The following ELAPOR2 variants were observed in gnomAD, a reference collection of about 807,000 sequenced individuals.
The protein encoded by ELAPOR2 is endosome/lysosome-associated apoptosis and autophagy regulator family member 2.
Under a neutral mutation model 120.7 loss-of-function variants are expected in ELAPOR2, and 89 were observed. The ratio of observed to expected loss-of-function variants is 0.74; its 90% CI spans 0.62 to 0.88. The LOEUF (loss-of-function observed/expected upper bound fraction) is 0.88, where lower values mean the gene tolerates loss of function less well. ELAPOR2 is among the 40% of genes least tolerant of loss of function. ELAPOR2 has a pLI of 0.00. For synonymous variants in ELAPOR2, 444 were observed against 444.9 expected, an observed-to-expected ratio of 1.00 and a Z score of 0.03; for missense variants, 1,134 against 1,251.6, an observed-to-expected ratio of 0.91 and a Z score of 1.42.
intron 1 of ELAPOR2, among the ~76,000 whole-genome samples, chr7:87,019,992 T>C (rs1290320436): frequency 6.6e-6 from 1 of 152,204 alleles, no homozygotes; most frequent in Non-Finnish European, 1.5e-5. Flanking sequence ...TACAATATTT[T>C]TAGTTTTTCA....
chr7:87,050,603 C>CT (rs1426341215), intron 1 of ELAPOR2, among the ~76,000 whole-genome samples: 1 of 152,154 alleles, frequency 6.6e-6, no homozygotes, highest in Non-Finnish European at 1.5e-5. Context: ...ATCTCAGGTA[C>CT]TTTTTTTACA....
chr7:87,050,821 G>A (rs1179029877), intron 1 of ELAPOR2, among the ~76,000 whole-genome samples: 1 of 152,204 alleles, frequency 6.6e-6, no homozygotes. Context: ...TTCTGATTCA[G>A]CTATTGGGAA....
At chr7:86,949,766 C>G (rs1791164046) in intron 2 of ELAPOR2, among the ~76,000 whole-genome samples, 1 of 152,244 alleles carries the variant, frequency 6.6e-6, no homozygotes, top group African/African-American at 2.4e-5. Context: ...CTCCTCCAGA[C>G]TTTGGCCACC....
chr7:86,938,158 G>C lies in ELAPOR2; in HGVS notation c.1057C>G (p.Gln353Glu). The change falls in exon 8 of 22, where the codon CAG becomes GAG. Residue 353 changes from glutamine (Q) to glutamate (E), a missense_variant. By Grantham distance (29) the Gln-to-Glu change is conservative (BLOSUM62 2). Coordinates refer to ENST00000450689, the MANE Select transcript of ELAPOR2 (RefSeq NM_001142749.3). ...TCTTCATCACATGGAGTATGGATCT[G>C]GAAATAGTCTTTTGTGGTACAGGGA... ...RPPCTTKDYF[Q>E]IHTPCDEEGK... 1 of 1,552,060 alleles carries C rather than the reference G, an allele frequency of 6.4e-7. No individual in the cohort carries two copies. The highest frequency in any genetic ancestry group is 8.7e-7 in the Non-Finnish European group (1 of 1,146,484).
chr7:86,941,665 G>A (rs772461169), intron 5 of ELAPOR2, among the ~76,000 whole-genome samples: 38 of 152,006 alleles, frequency 2.5e-4, no homozygotes, highest in Non-Finnish European at 4.4e-4. Context: ...TGTAAACTTA[G>A]AAACTCAAAT....
chr7:86,958,259 G>A (rs1791557147), intron 2 of ELAPOR2, among the ~76,000 whole-genome samples: 1 of 152,084 alleles, frequency 6.6e-6, no homozygotes, highest in Non-Finnish European at 1.5e-5. Context: ...AAGGGAGGGG[G>A]AAAGGCAAAT....
intron 3 of ELAPOR2, among the ~76,000 whole-genome samples, chr7:86,946,503 C>T (rs1036037102): frequency 2.0e-5 from 3 of 152,200 alleles, no homozygotes; most frequent in African/African-American, 7.2e-5. Flanking sequence ...CCTCCTGCCT[C>T]AGCCTCCAGA....
chr7:86,978,151 G>A (rs1767719), intron 1 of ELAPOR2, among the ~76,000 whole-genome samples: 16,926 of 152,122 alleles, frequency 0.11, 1,532 homozygotes, highest in African/African-American at 0.25. Flanking sequence ...TGAGTCTCGT[G>A]AGGTCTGATG....
chr7:87,036,810 G>A (rs1430896432), intron 1 of ELAPOR2, among the ~76,000 whole-genome samples: 4 of 152,148 alleles, frequency 2.6e-5, no homozygotes, highest in African/African-American at 9.7e-5. Flanking sequence ...AGGGGCAAGG[G>A]TTGAAAAACT....
rs374548491 is a variant in ELAPOR2, at chr7:87,046,937, T to C, written c.189+12388A>G. ...AATCAAATTACCAGACTTCAAATTATACTACAAAGCTATAGTAACCAAAAT... is the reference window on the plus strand; with the variant it reads ...AATCAAATTACCAGACTTCAAATTACACTACAAAGCTATAGTAACCAAAAT... On this transcript the variant is annotated intron_variant, in intron 1 of 21. Transcript: ENST00000450689. Among the ~76,000 whole-genome samples, 316 of 152,314 alleles carry C rather than the reference T, an allele frequency of 2.1e-3. 2 individuals are homozygous for C. The highest frequency in any genetic ancestry group is 7.2e-3 in the African/African-American group (299 of 41,558).
intron 1 of ELAPOR2, among the ~76,000 whole-genome samples, chr7:87,021,716 T>C (rs1794046474): frequency 6.6e-6 from 1 of 152,192 alleles, no homozygotes; most frequent in African/African-American, 2.4e-5. Context: ...GTTATGAGAA[T>C]ACCTCTCTTT....
intron 1 of ELAPOR2, among the ~76,000 whole-genome samples, chr7:87,016,665 TTA>T (rs60187915): frequency 2.0e-4 from 29 of 147,710 alleles, no homozygotes; most frequent in East Asian, 1.6e-3. Context: ...ATAGTAACTA[TTA>T]TATATATATA....
At chr7:87,030,285 T>C (rs1240199087) in intron 1 of ELAPOR2, among the ~76,000 whole-genome samples, 1 of 152,158 alleles carries the variant, frequency 6.6e-6, no homozygotes, top group Non-Finnish European at 1.5e-5. Flanking sequence ...TCAGTCACAG[T>C]ACATACCAAT....
At position 86,938,844 on chromosome 7, in the gene ELAPOR2, C is replaced by A. The variant is rs554539305; in HGVS notation, c.964G>T (p.Glu322Ter). Residue 322 changes from glutamate to a stop codon, truncating the protein, a stop_gained, in exon 7 of 22, where the codon GAA becomes TAA. Coordinates refer to ENST00000450689, the MANE Select transcript of ELAPOR2 (RefSeq NM_001142749.3). LOFTEE classifies it high-confidence loss of function. Reference protein sequence around the residue: ...RNTYSEKGAKECIRCKDDSQF... With the variant: ...RNTYSEKGAK Reference sequence around the variant, plus strand: ...GAGTCGTCTTTACACCTTATACATTCTTTGGCTCCTTTCTCAGAATAGGTG... The same window carrying A: ...GAGTCGTCTTTACACCTTATACATTATTTGGCTCCTTTCTCAGAATAGGTG... The A allele has an allele frequency of 1.2e-6, 2 of 1,613,266 alleles. No individual in the cohort carries two copies. The highest frequency in any genetic ancestry group is 1.7e-6 in the Non-Finnish European group (2 of 1,179,450).
At chr7:86,902,323 C>T (rs1788763989) in intron 18 of ELAPOR2, among the ~76,000 whole-genome samples, 1 of 152,110 alleles carries the variant, frequency 6.6e-6, no homozygotes, top group African/African-American at 2.4e-5. Context: ...ATTACAGGCG[C>T]CCGCCACAAT....
chr7:86,882,971 C>T (rs1186186920), intron 21 of ELAPOR2, among the ~76,000 whole-genome samples: 2 of 151,872 alleles, frequency 1.3e-5, no homozygotes, highest in African/African-American at 4.8e-5. Flanking sequence ...CTCCCCAATG[C>T]TGCAAGACAC....
At chr7:86,948,223 C>T (rs1445073188) in intron 2 of ELAPOR2, among the ~76,000 whole-genome samples, 2 of 152,112 alleles carry the variant, frequency 1.3e-5, no homozygotes, top group African/African-American at 4.8e-5. Context: ...CCAATCCTAC[C>T]TTCTCTACAT....
intron 21 of ELAPOR2, among the ~76,000 whole-genome samples, chr7:86,881,610 C>T (rs1436631680): frequency 6.6e-6 from 1 of 152,096 alleles, no homozygotes; most frequent in Non-Finnish European, 1.5e-5. Context: ...CCCACCTCGG[C>T]CTCCCAAAGT....
chr7:87,043,271 A>G lies in ELAPOR2; in HGVS notation c.189+16054T>C, dbSNP rs983425407. Among the ~76,000 whole-genome samples the G allele has an allele frequency of 4.0e-5, 6 of 151,690 alleles. No individual in the cohort carries two copies. In the South Asian group the frequency reaches 6.2e-4, roughly 16 times the overall value. Reference sequence around the variant, plus strand: ...CCCTAACTCATTTTATGAGGCCAGCATCATTCTGATACCAAAGTCAGGCAG... The same window carrying G: ...CCCTAACTCATTTTATGAGGCCAGCGTCATTCTGATACCAAAGTCAGGCAG... On this transcript the variant is annotated intron_variant, in intron 1 of 21. Coordinates refer to ENST00000450689, the MANE Select transcript of ELAPOR2 (RefSeq NM_001142749.3).
Sources: allele counts gnomAD v4.1 joint callset (sites outside exome capture counted in the v4.1 genomes callset), GRCh38; gene constraint gnomAD v4.1.1; transcripts MANE v1.5; gene names NCBI Gene and HGNC (gene_info 2026-07-23, HGNC 2026-07-21).